The following COLEC11 variants were observed in gnomAD, a reference collection of about 807,000 sequenced individuals.
The protein encoded by COLEC11 is collectin-11.
COLEC11 carries 20 observed loss-of-function variants against 27.3 expected under a neutral mutation model. That is an observed-to-expected ratio of 0.73 (90% CI 0.51 to 1.06). COLEC11 has a LOEUF of 1.06. Ranked by LOEUF, COLEC11 falls within the 50% of genes least tolerant of loss-of-function variation. The pLI is 0.00. For synonymous variants in COLEC11, 163 were observed against 154.7 expected (o/e 1.05, Z -0.40); for missense variants, 310 against 383.0 (o/e 0.81, Z 1.59).
intron 5 of COLEC11, among the ~76,000 whole-genome samples, chr2:3,642,032 G>A (rs568936425): frequency 3.9e-5 from 6 of 152,366 alleles, no homozygotes; most frequent in East Asian, 1.9e-4. Context: ...GTTAGGGTCC[G>A]TCCAGGGACT....
At chr2:3,624,083 A>G (rs533018190) in intron 3 of COLEC11, among the ~76,000 whole-genome samples, 3 of 152,280 alleles carry the variant, frequency 2.0e-5, no homozygotes, top group South Asian at 2.1e-4. Flanking sequence ...TTTAAAGAGT[A>G]TATGCCTTTT....
chr2:3,605,678 T>C (rs1662628062), intron 2 of COLEC11: 1 of 199,076 alleles, frequency 5.0e-6, no homozygotes, highest in Non-Finnish European at 1.0e-5. Context: ...CGCTTGGGCC[T>C]TCAGCTTCTC....
intron 4 of COLEC11, among the ~76,000 whole-genome samples, chr2:3,638,944 T>G (rs560884203): frequency 3.9e-5 from 6 of 152,342 alleles, no homozygotes; most frequent in Admixed American, 2.0e-4. Flanking sequence ...AAAGAGAGAC[T>G]CTTCCCACTA....
At chr2:3,610,742 C>G (rs1558493799) in intron 2 of COLEC11, among the ~76,000 whole-genome samples, 1 of 152,184 alleles carries the variant, frequency 6.6e-6, no homozygotes, top group Non-Finnish European at 1.5e-5. Context: ...GCCTGGCTAC[C>G]CCTGCTCAGC....
At chr2:3,625,199 C>T (rs928370792) in intron 3 of COLEC11, among the ~76,000 whole-genome samples, 6 of 152,218 alleles carry the variant, frequency 3.9e-5, no homozygotes, top group Admixed American at 2.0e-4. Flanking sequence ...TTCCTTCTCC[C>T]ACTTAGAAGT....
At position 3,604,389 on chromosome 2, in the gene COLEC11, C is replaced by T; in HGVS notation, c.49C>T (p.Leu17=). The change falls in exon 2 of 7, where the codon CTG becomes TTG. Residue 17 remains leucine (L), a synonymous_variant. Transcript: ENST00000349077. ...GGGCGTTCTAATCAGCCTGGCCTTC[C>T]TGTCACTGCTGCCATCTGGACATCC... ...LVGVLISLAF[L]SLLPSGHPQP... 1 of 1,614,248 alleles carries T rather than the reference C, an allele frequency of 6.2e-7. No homozygotes were observed. The highest frequency in any genetic ancestry group is 8.5e-7 in the Non-Finnish European group (1 of 1,180,050).
At chr2:3,641,335 C>G in intron 5 of COLEC11, 2 of 1,302,902 alleles carry the variant, frequency 1.5e-6, no homozygotes, top group South Asian at 2.5e-5. Context: ...AGATCAGTGT[C>G]ACTGACTGGC....
chr2:3,638,314 C>T (rs1370545066), intron 4 of COLEC11, among the ~76,000 whole-genome samples: 1 of 152,198 alleles, frequency 6.6e-6, no homozygotes, highest in Admixed American at 6.5e-5. Flanking sequence ...CAGGTCTATG[C>T]TGGGCTCTGG....
intron 1 of COLEC11, 69 bp from the exon 2 acceptor site, chr2:3,604,246 G>T (rs1662455412): frequency 1.3e-6 from 2 of 1,576,670 alleles, no homozygotes; most frequent in Non-Finnish European, 1.7e-6. Flanking sequence ...TGCCTCCGAG[G>T]CCTGCTCACT....
intron 2 of COLEC11, chr2:3,605,753 A>G: frequency 4.3e-6 from 1 of 234,074 alleles, no homozygotes; most frequent in Non-Finnish European, 8.5e-6. Flanking sequence ...ACCCATGATC[A>G]AAACAGTCAC....
At chr2:3,607,197 G>A (rs1385526793) in intron 2 of COLEC11, among the ~76,000 whole-genome samples, 3 of 152,022 alleles carry the variant, frequency 2.0e-5, no homozygotes, top group African/African-American at 7.2e-5. Context: ...TGCTTGAGAT[G>A]ACATTTATTT....
chr2:3,624,569 A>T (rs7580340), intron 3 of COLEC11, among the ~76,000 whole-genome samples: 44,997 of 151,952 alleles, frequency 0.3, 9,719 homozygotes, highest in African/African-American at 0.62. Flanking sequence ...GTGGGAAAAA[A>T]CATGGGCCAA....
chr2:3,615,057 T>C (rs993438510), intron 3 of COLEC11, among the ~76,000 whole-genome samples: 92 of 152,128 alleles, frequency 6.0e-4, no homozygotes, highest in African/African-American at 2.2e-3. Context: ...TTCACAACAA[T>C]GTACCTCATA....
At chr2:3,624,210 C>G (rs1429271928) in intron 3 of COLEC11, among the ~76,000 whole-genome samples, 3 of 152,190 alleles carry the variant, frequency 2.0e-5, no homozygotes, top group Non-Finnish European at 4.4e-5. Context: ...CACAGTCAAG[C>G]TATCTGTCTG....
intron 3 of COLEC11, among the ~76,000 whole-genome samples, chr2:3,628,149 A>G (rs1255951856): frequency 6.6e-6 from 1 of 152,254 alleles, no homozygotes; most frequent in Non-Finnish European, 1.5e-5. Flanking sequence ...TTGGAAAAAT[A>G]TCCTGAGGTT....
chr2:3,597,528 C>T (rs1661934450), intron 1 of COLEC11, among the ~76,000 whole-genome samples: 1 of 152,222 alleles, frequency 6.6e-6, no homozygotes, highest in Non-Finnish European at 1.5e-5. Flanking sequence ...TCTTGGGAGA[C>T]GGAGCCTGAT....
chr2:3,635,078 TCCCC>T (rs1665294938), intron 3 of COLEC11, among the ~76,000 whole-genome samples: 1 of 35,050 alleles, frequency 2.9e-5, no homozygotes, highest in South Asian at 2.4e-3. Flanking sequence ...ATGATCCCTC[TCCCC>T]TGCCTGTCCC....
At chr2:3,637,332 T>G (rs1428349122) in intron 3 of COLEC11, among the ~76,000 whole-genome samples, 1 of 152,222 alleles carries the variant, frequency 6.6e-6, no homozygotes, top group East Asian at 1.9e-4. Context: ...CATCTTCCTT[T>G]GGAAGCTGTA....
intron 3 of COLEC11, among the ~76,000 whole-genome samples, chr2:3,629,299 C>G (rs569497534): frequency 6.6e-6 from 1 of 152,272 alleles, no homozygotes; most frequent in East Asian, 1.9e-4. Flanking sequence ...CCAAACACCC[C>G]AAAATAGAAT....
Sources: allele counts gnomAD v4.1 joint callset (sites outside exome capture counted in the v4.1 genomes callset), GRCh38; gene constraint gnomAD v4.1.1; transcripts MANE v1.5; gene names NCBI Gene and HGNC (gene_info 2026-07-23, HGNC 2026-07-21).